METTL24: variants seen among roughly 807,000 people sequenced by gnomAD.
The protein encoded by METTL24 is methyltransferase like 24.
Under a neutral mutation model 32.7 loss-of-function variants are expected in METTL24, and 29 were observed. The ratio of observed to expected loss-of-function variants is 0.89; its 90% confidence interval spans 0.66 to 1.21. The LOEUF is 1.21. Among genes scored for constraint, METTL24 ranks in the 50% most tolerant of loss-of-function variants. The pLI, the probability that METTL24 is intolerant of heterozygous loss-of-function variation, is 0.00. For synonymous variants in METTL24, 163 were observed against 179.5 expected, an observed-to-expected ratio of 0.91 and a Z score of 0.73; for missense variants, 439 against 468.1, an observed-to-expected ratio of 0.94 and a Z score of 0.57.
chr6:110,256,113 G>A (rs1778377973), intron 4 of METTL24, among the ~76,000 whole-genome samples: 1 of 152,166 alleles, frequency 6.6e-6, no homozygotes, highest in Non-Finnish European at 1.5e-5. Flanking sequence ...CCAGAAATGA[G>A]AGGGGGTGAG....
chr6:110,278,108 CA>C (rs766599515), intron 4 of METTL24, among the ~76,000 whole-genome samples: 8 of 152,102 alleles, frequency 5.3e-5, no homozygotes, highest in Non-Finnish European at 1.2e-4. Flanking sequence ...CACTATTGAC[CA>C]AATTCCTATC....
intron 2 of METTL24, among the ~76,000 whole-genome samples, chr6:110,318,645 C>G (rs1415086198): frequency 2.7e-5 from 3 of 110,932 alleles, no homozygotes; most frequent in African/African-American, 1.3e-4. Context: ...GAGCAAGACT[C>G]TACCTCAAAA....
intron 3 of METTL24, among the ~76,000 whole-genome samples, chr6:110,304,142 G>A (rs1422394510): frequency 2.0e-5 from 3 of 152,000 alleles, no homozygotes; most frequent in South Asian, 4.2e-4. Flanking sequence ...AAGGAAGACC[G>A]GGCAAAAACT....
chr6:110,277,770 T>C (rs909507212), intron 4 of METTL24, among the ~76,000 whole-genome samples: 1 of 152,142 alleles, frequency 6.6e-6, no homozygotes, highest in Admixed American at 6.5e-5. Context: ...AGTTTTCTTA[T>C]AAATAAACCA....
intron 4 of METTL24, among the ~76,000 whole-genome samples, chr6:110,247,262 TA>T (rs1475385485): frequency 1.1e-4 from 17 of 152,128 alleles, no homozygotes; most frequent in African/African-American, 4.1e-4. Context: ...TATCCCTAAT[TA>T]AAGTTCAGGA....
chr6:110,303,765 A>G (rs9487361), intron 3 of METTL24, among the ~76,000 whole-genome samples: 35,796 of 152,194 alleles, frequency 0.24, 6,848 homozygotes, highest in African/African-American at 0.53. Context: ...ATTCCTGCCT[A>G]CTGGCTCCGA....
At chr6:110,308,194 G>C (rs1451578943) in intron 3 of METTL24, among the ~76,000 whole-genome samples, 3 of 152,156 alleles carry the variant, frequency 2.0e-5, no homozygotes, top group Non-Finnish European at 4.4e-5. Flanking sequence ...AAGTTCTTGA[G>C]GGAGGGGTGC....
chr6:110,287,018 T>A (rs1771233619), intron 4 of METTL24, among the ~76,000 whole-genome samples: 1 of 152,192 alleles, frequency 6.6e-6, no homozygotes, highest in Non-Finnish European at 1.5e-5. Context: ...TATATATGTA[T>A]CTATTCCATT....
chr6:110,266,328 T>C (rs1770857477), intron 4 of METTL24, among the ~76,000 whole-genome samples: 1 of 152,188 alleles, frequency 6.6e-6, no homozygotes, highest in Middle Eastern at 3.2e-3. Flanking sequence ...ATATCCACAT[T>C]AGAAACATTA....
intron 1 of METTL24, among the ~76,000 whole-genome samples, chr6:110,336,362 C>A (rs1037085078): frequency 5.9e-5 from 9 of 152,212 alleles, no homozygotes; most frequent in African/African-American, 1.9e-4. Context: ...AATTTGAAAT[C>A]AAACACCCAC....
intron 4 of METTL24, among the ~76,000 whole-genome samples, chr6:110,253,685 A>AT (rs2114693068): frequency 6.6e-6 from 1 of 152,272 alleles, no homozygotes; most frequent in Admixed American, 6.5e-5. Flanking sequence ...ACTCCCAAAC[A>AT]TTTTTCTTTG....
chr6:110,310,722 A>G (rs1264388295), intron 3 of METTL24, among the ~76,000 whole-genome samples: 1 of 152,232 alleles, frequency 6.6e-6, no homozygotes, highest in African/African-American at 2.4e-5. Context: ...TGGAATAAAA[A>G]GCTTTGACTC....
chr6:110,288,341 G>A (rs1018586126), intron 4 of METTL24, among the ~76,000 whole-genome samples: 45 of 152,040 alleles, frequency 3.0e-4, no homozygotes, highest in Non-Finnish European at 4.9e-4. Flanking sequence ...CCAGACCTCC[G>A]GAATCACTAC....
intron 1 of METTL24, among the ~76,000 whole-genome samples, chr6:110,324,695 G>A (rs1162653233): frequency 6.6e-6 from 1 of 152,224 alleles, no homozygotes; most frequent in Admixed American, 6.5e-5. Flanking sequence ...TGCAGGCTGA[G>A]CAGGCAGAGA....
intron 4 of METTL24, among the ~76,000 whole-genome samples, chr6:110,260,130 G>A (rs1434043008): frequency 1.3e-5 from 2 of 152,180 alleles, no homozygotes; most frequent in Non-Finnish European, 2.9e-5. Context: ...ACTTTGACGA[G>A]CTGAGAGAAG....
intron 1 of METTL24, among the ~76,000 whole-genome samples, 175 bp from the exon 2 acceptor site, chr6:110,323,047 G>A (rs779333288): frequency 9.2e-5 from 14 of 152,180 alleles, no homozygotes; most frequent in Non-Finnish European, 1.2e-4. Flanking sequence ...CACATCAGTC[G>A]CAGGGAGACA....
rs767262061 is a variant in METTL24 at position 110,273,799 on chromosome 6, A to G, written c.786+25123T>C. Among the ~76,000 whole-genome samples, 146 of 152,346 alleles carry G rather than the reference A, an allele frequency of 9.6e-4. 1 individual carries two copies. The highest frequency in any genetic ancestry group is 1.1e-3 in the Non-Finnish European group (78 of 68,026). ...GAAAATGTAAACTAGTACAACCACTATGGAAAACAATATGGAGATTCCTTA... is the reference window on the plus strand; with the variant it reads ...GAAAATGTAAACTAGTACAACCACTGTGGAAAACAATATGGAGATTCCTTA... On this transcript the variant is annotated intron_variant, in intron 4 of 4. Coordinates refer to ENST00000338882, the MANE Select transcript of METTL24 (RefSeq NM_001123364.3).
intron 3 of METTL24, among the ~76,000 whole-genome samples, chr6:110,304,565 T>A (rs1771594613): frequency 6.6e-6 from 1 of 152,144 alleles, no homozygotes; most frequent in South Asian, 2.1e-4. Context: ...GAAGAAAGGA[T>A]ATCAGAGATT....
At position 110,289,271 on chromosome 6, in the gene METTL24, T is replaced by G. The variant is rs187853841; in HGVS notation, c.786+9651A>C. Among the ~76,000 whole-genome samples, 238 of 152,294 alleles carry G rather than the reference T, an allele frequency of 1.6e-3. 1 individual carries two copies. The highest frequency in any genetic ancestry group is 5.5e-3 in the African/African-American group (230 of 41,568). ...GTCAACCAATGCAATAATTAGAATG[T>G]TACTTCATTCCAAGACTAATTTTAT... On this transcript the variant is annotated intron_variant, in intron 4 of 4. Transcript: ENST00000338882.
Sources: allele counts gnomAD v4.1 joint callset (sites outside exome capture counted in the v4.1 genomes callset), GRCh38; gene constraint gnomAD v4.1.1; transcripts MANE v1.5; gene names NCBI Gene and HGNC (gene_info 2026-07-23, HGNC 2026-07-21).